The following AUTS2 variants were observed in gnomAD, a reference collection of about 807,000 sequenced individuals.
The protein encoded by AUTS2 is autism susceptibility gene 2 protein.
Under a neutral mutation model 112.4 loss-of-function variants are expected in AUTS2, and 17 were observed. That is an observed-to-expected ratio of 0.15 (90% CI 0.10 to 0.23). AUTS2 has a LOEUF of 0.23. Among genes scored for constraint, AUTS2 ranks in the 10% least tolerant of loss-of-function variants. The pLI is 1.00. For synonymous variants in AUTS2, 751 were observed against 702.7 expected, an observed-to-expected ratio of 1.07 and a Z score of -1.09; for missense variants, 1,510 against 1,701.6, an observed-to-expected ratio of 0.89 and a Z score of 1.98.
chr7:70,163,650 T>C (rs1808232824), intron 4 of AUTS2, among the ~76,000 whole-genome samples: 2 of 152,138 alleles, frequency 1.3e-5, no homozygotes, highest in South Asian at 4.1e-4. Context: ...CCCATGATTC[T>C]GCACTAATGC....
At chr7:69,805,783 T>C (rs563413575) in intron 1 of AUTS2, among the ~76,000 whole-genome samples, 1 of 152,200 alleles carries the variant, frequency 6.6e-6, no homozygotes, top group Non-Finnish European at 1.5e-5. Flanking sequence ...ATGTCCCCAG[T>C]GAGCAATAAG....
rs192437271 is a variant in AUTS2 at position 70,299,594 on chromosome 7, A to G, written c.661-136158A>G. Among the ~76,000 whole-genome samples, 14 of 152,264 alleles carry G rather than the reference A, an allele frequency of 9.2e-5. No individual in the cohort carries two copies. The East Asian group carries it at 1.5e-3, about 17-fold the overall frequency. Reference sequence around the variant, plus strand: ...TTGGTATCATTGAAGCCTACGTTCCATTCTGCCACCACAGCCTGAACTTTC... The same window carrying G: ...TTGGTATCATTGAAGCCTACGTTCCGTTCTGCCACCACAGCCTGAACTTTC... On this transcript the variant is annotated intron_variant, in intron 4 of 18. Coordinates refer to ENST00000342771, the MANE Select transcript of AUTS2 (RefSeq NM_015570.4).
intron 2 of AUTS2, among the ~76,000 whole-genome samples, chr7:69,932,815 T>A (rs897975117): frequency 6.6e-6 from 1 of 152,234 alleles, no homozygotes; most frequent in African/African-American, 2.4e-5. Context: ...ACATTATTTG[T>A]TTTAAGTTAC....
At chr7:70,377,969 G>A (rs930313280) in intron 4 of AUTS2, among the ~76,000 whole-genome samples, 4 of 151,044 alleles carry the variant, frequency 2.6e-5, no homozygotes, top group African/African-American at 7.3e-5. Context: ...TAGTAGAGAC[G>A]GGGTTTCACC....
At chr7:70,056,107 C>T (rs547494189) in intron 2 of AUTS2, among the ~76,000 whole-genome samples, 1 of 152,218 alleles carries the variant, frequency 6.6e-6, no homozygotes, top group South Asian at 2.1e-4. Context: ...CCTGCCTCAG[C>T]CTCCCGAGTA....
At chr7:70,021,074 C>T (rs1383988245) in intron 2 of AUTS2, among the ~76,000 whole-genome samples, 1 of 152,140 alleles carries the variant, frequency 6.6e-6, no homozygotes, top group African/African-American at 2.4e-5. Flanking sequence ...CCTCCGCCTC[C>T]TGGATTCAAG....
intron 2 of AUTS2, among the ~76,000 whole-genome samples, chr7:69,966,531 C>T (rs1170414143): frequency 6.6e-6 from 1 of 152,160 alleles, no homozygotes; most frequent in Non-Finnish European, 1.5e-5. Context: ...TAGTTTACAG[C>T]AATCAGTAGA....
At chr7:69,760,713 C>T (rs764044419) in intron 1 of AUTS2, among the ~76,000 whole-genome samples, 20 of 152,100 alleles carry the variant, frequency 1.3e-4, no homozygotes, top group Non-Finnish European at 1.9e-4. Context: ...CCCAGCTACT[C>T]AGGAGGCTGA....
intron 5 of AUTS2, among the ~76,000 whole-genome samples, chr7:70,509,569 A>G (rs1799100743): frequency 1.3e-5 from 2 of 152,184 alleles, no homozygotes. Flanking sequence ...TTAAAAGAGA[A>G]TGAGCTGCTG....
intron 1 of AUTS2, among the ~76,000 whole-genome samples, chr7:69,741,807 G>A (rs959043072): frequency 1.3e-5 from 2 of 148,922 alleles, no homozygotes. Context: ...TATTTGTTTT[G>A]CCTTTTTTTT....
At chr7:70,696,727 A>G (rs752126925) in intron 5 of AUTS2, among the ~76,000 whole-genome samples, 4 of 152,258 alleles carry the variant, frequency 2.6e-5, no homozygotes, top group Non-Finnish European at 5.9e-5. Context: ...GTCAGGAACC[A>G]TTTACTTTCC....
rs73450557 is a variant in AUTS2, at chr7:70,551,529, T to C, written c.690+115748T>C. Among the ~76,000 whole-genome samples the C allele has an allele frequency of 2.8e-3, 422 of 152,272 alleles. 3 individuals are homozygous for C. The highest frequency in any genetic ancestry group is 9.8e-3 in the African/African-American group (406 of 41,544). ...AAGTTTCAGTAGGGGGGCATTCCTA[T>C]AGAATAGCTCAATATTCCTAAAAAA... On this transcript the variant is annotated intron_variant, in intron 5 of 18. Transcript: ENST00000342771.
At chr7:70,393,499 C>T (rs1019039088) in intron 4 of AUTS2, among the ~76,000 whole-genome samples, 2 of 151,910 alleles carry the variant, frequency 1.3e-5, no homozygotes, top group Admixed American at 6.6e-5. Flanking sequence ...AGGGATTTTT[C>T]TGAACCAAAG....
At chr7:69,877,077 A>AT (rs1351861209) in intron 1 of AUTS2, among the ~76,000 whole-genome samples, 4 of 152,048 alleles carry the variant, frequency 2.6e-5, no homozygotes, top group Admixed American at 1.3e-4. Flanking sequence ...AATATGGTTT[A>AT]TTTTTTGCAG....
chr7:70,311,739 C>T (rs371478077), intron 4 of AUTS2, among the ~76,000 whole-genome samples: 5 of 151,674 alleles, frequency 3.3e-5, no homozygotes, highest in South Asian at 2.1e-4. Flanking sequence ...TTTTTTGAGA[C>T]GGAGTCTCGC....
intron 2 of AUTS2, among the ~76,000 whole-genome samples, chr7:70,099,628 G>A (rs543102171): frequency 2.0e-5 from 3 of 151,960 alleles, no homozygotes; most frequent in Non-Finnish European, 4.4e-5. Context: ...TTTTGATTGA[G>A]CTCTGTGGCA....
chr7:69,664,651 C>A (rs1359329404), intron 1 of AUTS2, among the ~76,000 whole-genome samples: 5 of 152,124 alleles, frequency 3.3e-5, no homozygotes, highest in Non-Finnish European at 7.3e-5. Flanking sequence ...ACTAAGAAAA[C>A]CTGCAAATCA....
chr7:70,496,020 C>CA (rs1467897120), intron 5 of AUTS2, among the ~76,000 whole-genome samples: 55 of 83,364 alleles, frequency 6.6e-4, no homozygotes, highest in South Asian at 1.5e-3. Context: ...CACACACACA[C>CA]CCCCCCCACA....
At chr7:69,614,336 C>CTT (rs1554334331) in intron 1 of AUTS2, among the ~76,000 whole-genome samples, 2 of 47,396 alleles carry the variant, frequency 4.2e-5, no homozygotes, top group African/African-American at 1.3e-4. Flanking sequence ...TTCTTTCTTT[C>CTT]TTTCTTTCTT....
Sources: gnomAD v4.1 joint callset for allele counts (sites outside exome capture counted in the v4.1 genomes callset) on GRCh38, gnomAD v4.1.1 for gene constraint, MANE v1.5 for transcripts, NCBI Gene and HGNC (gene_info 2026-07-23, HGNC 2026-07-21) for gene names.